TUBGCP5: variants seen among roughly 807,000 people sequenced by gnomAD.
TUBGCP5 encodes gamma-tubulin complex component 5.
A neutral mutation model predicts 134.7 loss-of-function variants in TUBGCP5; 98 were observed. The ratio of observed to expected loss-of-function variants is 0.73; its 90% CI spans 0.62 to 0.86. The LOEUF is 0.86. TUBGCP5 is among the 40% of genes least tolerant of loss of function. TUBGCP5 has a pLI of 0.00. For missense variants in TUBGCP5, 1,150 were observed against 1,244.8 expected (o/e 0.92, Z 1.15); for synonymous variants, 456 against 431.4 (o/e 1.06, Z -0.71).
chr15:23,009,470 G>A (rs1018614061), intron 15 of TUBGCP5, among the ~76,000 whole-genome samples: 2 of 151,946 alleles, frequency 1.3e-5, no homozygotes, highest in Admixed American at 1.3e-4. Context: ...GGGTTTCACC[G>A]TGTTAGCCAG....
intron 11 of TUBGCP5, among the ~76,000 whole-genome samples, chr15:23,020,842 C>G (rs1240960870): frequency 6.6e-6 from 1 of 152,128 alleles, no homozygotes; most frequent in African/African-American, 2.4e-5. Flanking sequence ...ACACTCAAGC[C>G]ATCTTCCTGC....
At chr15:23,008,991 T>C (rs1166943268) in intron 15 of TUBGCP5, 110 bp from the exon 16 acceptor site, 2 of 796,822 alleles carry the variant, frequency 2.5e-6, no homozygotes, top group African/African-American at 1.8e-5. Context: ...GTTTACATTC[T>C]ACATTTACTA....
chr15:23,022,227 A>C, intron 10 of TUBGCP5, 66 bp from the exon 11 acceptor site: 1 of 1,530,332 alleles, frequency 6.5e-7, no homozygotes, highest in African/African-American at 1.4e-5. Flanking sequence ...TGTGACATAA[A>C]TGCTGGCAAA....
chr15:23,004,107 C>A lies in TUBGCP5; in HGVS notation c.2833G>T (p.Glu945Ter). 8 of 1,609,106 alleles carry A rather than the reference C, an allele frequency of 5.0e-6. No individual in the cohort carries two copies. The highest frequency in any genetic ancestry group is 6.8e-6 in the Non-Finnish European group (8 of 1,178,644). The stretch of plus-strand genomic sequence containing the variant: ...GCAGGAGACATCTCATGTACCTTTT[C>A]TCTCAGCAGACACCGGTCATGGATG... ...STIHDRCLLR[E>*]KVSFVKEAIM... Residue 945 changes from glutamate (E) to a stop codon, truncating the protein, a stop_gained, in exon 20 of 23, where the codon GAA becomes TAA. Coordinates refer to ENST00000615383, the MANE Select transcript of TUBGCP5 (RefSeq NM_052903.6). LOFTEE classifies it high-confidence loss of function.
At chr15:23,028,163 AC>A (rs1270881404) in intron 6 of TUBGCP5, among the ~76,000 whole-genome samples, 1 of 152,050 alleles carries the variant, frequency 6.6e-6, no homozygotes, top group Admixed American at 6.5e-5. Context: ...GGTGGCTCAC[AC>A]CTGCAATCCC....
In TUBGCP5 at chr15:22,999,209, C is replaced by T. The variant is rs1259532871; in HGVS notation, c.*611G>A. 1.3e-5 allele frequency: 2 copies of T among 152,124 alleles called. No individual in the cohort carries two copies. The highest frequency in any genetic ancestry group is 2.9e-5 in the Non-Finnish European group (2 of 68,028). The allele number at this position is 152,124 out of a possible 1,614,324, so 9.4% of individuals were successfully genotyped here. A position where few individuals can be genotyped will look rare whatever the true frequency, so the allele number is the denominator to read the frequency against. On this transcript the variant is annotated 3_prime_UTR_variant, in exon 23 of 23. Transcript: ENST00000615383. ...AAGTCCTTTAATTTATTTTGAATATCAGTAATTACATTTTCAAAATATGAT... is the reference window on the plus strand; with the variant it reads ...AAGTCCTTTAATTTATTTTGAATATTAGTAATTACATTTTCAAAATATGAT...
At chr15:22,987,845 G>A (rs1219870781) in intron 23 of TUBGCP5, among the ~76,000 whole-genome samples, 5 of 135,884 alleles carry the variant, frequency 3.7e-5, no homozygotes, top group East Asian at 2.3e-4. Context: ...GCAGTGAGCC[G>A]AGATTGCGCC....
intron 9 of TUBGCP5, chr15:23,024,420 A>G (rs745909362): frequency 1.8e-5 from 9 of 506,126 alleles, no homozygotes; most frequent in African/African-American, 1.2e-4. Flanking sequence ...AAAAACATAC[A>G]TAAGTAAATG....
chr15:23,037,294 C>T (rs755624857), intron 1 of TUBGCP5, 142 bp from the exon 2 acceptor site: 3 of 763,338 alleles, frequency 3.9e-6, no homozygotes, highest in Non-Finnish European at 6.6e-6. Context: ...TCCGTTACCT[C>T]CACCATCAGG....
intron 20 of TUBGCP5, 22 bp from the exon 21 acceptor site, chr15:23,003,175 C>T: frequency 6.2e-7 from 1 of 1,610,382 alleles, no homozygotes; most frequent in African/African-American, 1.3e-5. Context: ...AGTCACAGAA[C>T]ACAAACTGTG....
Position 23,005,598 on chromosome 15 carries a change from GT to G in TUBGCP5, c.2545del (p.Thr849LeufsTer28). The G allele has an allele frequency of 6.2e-7, 1 of 1,613,560 alleles. No homozygotes were observed. The highest frequency in any genetic ancestry group is 1.1e-5 in the South Asian group (1 of 91,030). On this transcript the variant is annotated frameshift_variant, in exon 19 of 23. Coordinates refer to ENST00000615383, the MANE Select transcript of TUBGCP5 (RefSeq NM_052903.6). LOFTEE classifies it high-confidence loss of function. ...TTCTTTAAGTCGTGGTTTTTCTGCAGTACTAACCAGTTCTATAAAACATTGG... is the reference window on the plus strand; with the variant it reads ...TTCTTTAAGTCGTGGTTTTTCTGCAGACTAACCAGTTCTATAAAACATTGG... ...DVLLFGELVSTAEKPRLKEGL... is the reference protein window; with the variant it reads ...DVLLFGELVSXAEKPRLKEGL...
At chr15:23,014,549 C>T (rs113186155) in intron 13 of TUBGCP5, among the ~76,000 whole-genome samples, 3,091 of 152,240 alleles carry the variant, frequency 0.02, 56 homozygotes, top group Non-Finnish European at 0.03. Context: ...GCCAAGCAGC[C>T]TTCCACCCAC....
chr15:22,997,939 C>T (rs968503870), downstream of TUBGCP5, among the ~76,000 whole-genome samples: 28 of 151,334 alleles, frequency 1.9e-4, no homozygotes, highest in African/African-American at 6.3e-4. Context: ...AAGATAGTCT[C>T]ACTCTATAAA....
At chr15:22,994,693 T>C (rs183375536), downstream of TUBGCP5, among the ~76,000 whole-genome samples, 36 of 152,344 alleles carry the variant, frequency 2.4e-4, no homozygotes, top group African/African-American at 8.7e-4. Flanking sequence ...TGTGTGAATA[T>C]ACATTTCATT....
intron 23 of TUBGCP5, among the ~76,000 whole-genome samples, chr15:22,988,316 C>G (rs1441055802): frequency 3.9e-5 from 6 of 151,946 alleles, no homozygotes; most frequent in Admixed American, 3.9e-4. Context: ...AGCAGCCACA[C>G]AGCCACAAGT....
At chr15:23,014,401 CA>C (rs1378168022) in intron 13 of TUBGCP5, among the ~76,000 whole-genome samples, 1 of 152,216 alleles carries the variant, frequency 6.6e-6, no homozygotes, top group East Asian at 1.9e-4. Flanking sequence ...ACAGAGCGGC[CA>C]CAGGCCTGCA....
In TUBGCP5 at chr15:22,988,750, T is replaced by C. The variant is rs998730126; in HGVS notation, c.*62-5139A>G. ...GACTCCGTCTCAAAAAAAAAAAAAA[T>C]CTGTTTTTTTGTTGTTTGTTGTTTG... On this transcript the variant is annotated intron_variant and NMD_transcript_variant, in intron 23 of 23. Transcript: ENST00000614508. Among the ~76,000 whole-genome samples the C allele has an allele frequency of 1.2e-3, 145 of 117,518 alleles. 1 individual carries two copies. The highest frequency in any genetic ancestry group is 4.5e-3 in the African/African-American group (137 of 30,522). The allele number at this position is 117,518 out of a possible 152,430, so 77.1% of individuals were successfully genotyped here.
chr15:23,000,734 A>G, intron 21 of TUBGCP5, 65 bp from the exon 22 acceptor site: 1 of 1,174,668 alleles, frequency 8.5e-7, no homozygotes, highest in South Asian at 1.6e-5. Context: ...GCTTCAAGAT[A>G]TCTGTGGAGT....
chr15:23,032,833 C>CAA lies in TUBGCP5; in HGVS notation c.310-11_310-10dup. On this transcript the variant is annotated splice_polypyrimidine_tract_variant and intron_variant, in intron 3 of 22. Transcript: ENST00000615383. ...GAATAATGTGCATCTGTCTTTAAAA[C>CAA]AAAAAAAAGAACATAAATCTCTGAG... 6.5e-7 allele frequency: 1 copy of CAA among 1,532,012 alleles called. No individual in the cohort carries two copies. The highest frequency in any genetic ancestry group is 2.2e-5 in the Admixed American group (1 of 44,718). 94.9% of individuals were successfully genotyped at this position (1,532,012 alleles called of 1,614,324 possible).
Sources: allele counts gnomAD v4.1 joint callset (sites outside exome capture counted in the v4.1 genomes callset), GRCh38; gene constraint gnomAD v4.1.1; transcripts MANE v1.5; gene names NCBI Gene and HGNC (gene_info 2026-07-23, HGNC 2026-07-21).